Variants in SRPK2 observed in about 807,000 individuals in gnomAD.
SRPK2 encodes SRSF protein kinase 2, also known as SFRS protein kinase 2.
In SRPK2, 21 loss-of-function variants were observed where a neutral mutation model predicts 90.8. The observed-to-expected ratio is 0.23, with a 90% CI of 0.16 to 0.33. The LOEUF (loss-of-function observed/expected upper bound fraction) is 0.33. Ranked by LOEUF, SRPK2 falls within the 10% of genes least tolerant of loss-of-function variation. The pLI, the probability that SRPK2 is intolerant of heterozygous loss-of-function variation, is 1.00. For missense variants in SRPK2, 620 were observed against 869.0 expected, an observed-to-expected ratio of 0.71 and a Z score of 3.60; for synonymous variants, 288 against 311.1, an observed-to-expected ratio of 0.93 and a Z score of 0.78.
intron 15 of SRPK2, among the ~76,000 whole-genome samples, chr7:105,118,240 T>A (rs1379461391): frequency 6.6e-6 from 1 of 152,202 alleles, no homozygotes; most frequent in Non-Finnish European, 1.5e-5. Context: ...TAAATAGAGG[T>A]TAATTAATAG....
intron 2 of SRPK2, among the ~76,000 whole-genome samples, chr7:105,216,655 CAAA>C (rs11337476): frequency 4.1e-4 from 53 of 130,660 alleles, no homozygotes; most frequent in Non-Finnish European, 4.1e-4. Flanking sequence ...ACCCTGTCTC[CAAA>C]AAAAAAAAAA....
chr7:105,375,033 A>G (rs1047444384), intron 2 of SRPK2, among the ~76,000 whole-genome samples: 1 of 152,184 alleles, frequency 6.6e-6, no homozygotes, highest in African/African-American at 2.4e-5. Context: ...AAATATAACA[A>G]AATATTAGCA....
intron 15 of SRPK2, among the ~76,000 whole-genome samples, chr7:105,118,678 G>GA (rs1215632902): frequency 6.6e-6 from 1 of 152,196 alleles, no homozygotes; most frequent in Non-Finnish European, 1.5e-5. Flanking sequence ...AGCCGTTTGG[G>GA]AGGCTGAGGC....
intron 2 of SRPK2, chr7:105,244,614 C>A: frequency 1.5e-6 from 1 of 670,194 alleles, no homozygotes. Context: ...GCGGCGCCAG[C>A]CCCAGCGCGC....
chr7:105,340,998 C>T (rs879833236), intron 2 of SRPK2, among the ~76,000 whole-genome samples: 4 of 152,018 alleles, frequency 2.6e-5, no homozygotes, highest in Non-Finnish European at 4.4e-5. Context: ...AAGTGATTAA[C>T]GGATGATGTC....
At chr7:105,264,823 C>T (rs943182230) in intron 2 of SRPK2, among the ~76,000 whole-genome samples, 11 of 152,130 alleles carry the variant, frequency 7.2e-5, no homozygotes, top group Non-Finnish European at 1.3e-4. Flanking sequence ...GTGGGCAATG[C>T]TATGTGTGAA....
At chr7:105,241,629 A>T (rs949434298) in intron 2 of SRPK2, among the ~76,000 whole-genome samples, 1 of 152,202 alleles carries the variant, frequency 6.6e-6, no homozygotes, top group African/African-American at 2.4e-5. Flanking sequence ...CAAAGCCCAT[A>T]TATTCTATCC....
intron 2 of SRPK2, among the ~76,000 whole-genome samples, chr7:105,257,059 C>T (rs1001566613): frequency 2.0e-5 from 3 of 152,168 alleles, no homozygotes; most frequent in Non-Finnish European, 2.9e-5. Context: ...GGCCAGCCAC[C>T]CACGAATGTG....
rs563015549 is a variant in SRPK2, at chr7:105,348,174, C to T, written c.71+40474G>A. 5.7e-5 allele frequency among the ~76,000 whole-genome samples: 8 copies of T among 140,868 alleles called. No individual in the cohort carries two copies. The South Asian group carries it at 1.2e-3, about 21-fold the overall frequency. The allele number at this position is 140,868 out of a possible 152,430, so 92.4% of individuals were successfully genotyped here. A position where few individuals can be genotyped will look rare whatever the true frequency, so the allele number is the denominator to read the frequency against. ...GCAACCTCCGCCTCCCGGGTTCAAG[C>T]GATTCTCATGCCTCAGCCTCCTCAG... is the stretch of plus-strand genomic sequence containing the variant. On this transcript the variant is annotated intron_variant, in intron 2 of 15. Transcript: ENST00000393651.
intron 2 of SRPK2, 37 bp from the exon 3 acceptor site, chr7:105,203,822 A>G (rs1234066245): frequency 1.3e-6 from 2 of 1,551,394 alleles, no homozygotes; most frequent in Admixed American, 2.0e-5. Flanking sequence ...TTTACTTAGA[A>G]GTACATCTTG....
At chr7:105,301,758 A>G (rs1448835361) in intron 2 of SRPK2, 159 of 1,597,688 alleles carry the variant, frequency 1.0e-4, no homozygotes, top group Non-Finnish European at 1.3e-4. Flanking sequence ...AAAGCAGAGT[A>G]TATTAGCCAA....
At chr7:105,314,316 A>G (rs1812068424) in intron 2 of SRPK2, among the ~76,000 whole-genome samples, 2 of 152,100 alleles carry the variant, frequency 1.3e-5, no homozygotes, top group South Asian at 4.1e-4. Flanking sequence ...TGGACGACAG[A>G]GTAAGACCCT....
chr7:105,390,725 T>G (rs1386269228), upstream of SRPK2, among the ~76,000 whole-genome samples: 1 of 150,972 alleles, frequency 6.6e-6, no homozygotes, highest in Admixed American at 6.6e-5. Context: ...AGTGCTAGGA[T>G]TACAGGCCTG....
chr7:105,290,184 GAC>G (rs1462014209), intron 2 of SRPK2, among the ~76,000 whole-genome samples: 7 of 122,228 alleles, frequency 5.7e-5, no homozygotes, highest in Admixed American at 1.9e-4. Flanking sequence ...CTAACACAGA[GAC>G]ACAGGCTCTT....
intron 2 of SRPK2, among the ~76,000 whole-genome samples, chr7:105,239,100 A>G (rs1162781267): frequency 6.6e-6 from 1 of 152,374 alleles, no homozygotes; most frequent in Non-Finnish European, 1.5e-5. Context: ...AGAGTGTACA[A>G]TTGCACTACA....
At chr7:105,234,123 C>T (rs1563121700) in intron 2 of SRPK2, among the ~76,000 whole-genome samples, 1 of 151,912 alleles carries the variant, frequency 6.6e-6, no homozygotes, top group African/African-American at 2.4e-5. Context: ...ATTAAGAACA[C>T]CTTTGCTGCA....
At chr7:105,361,302 C>T (rs540821620) in intron 2 of SRPK2, among the ~76,000 whole-genome samples, 1 of 152,134 alleles carries the variant, frequency 6.6e-6, no homozygotes, top group Non-Finnish European at 1.5e-5. Context: ...GAACTACAAA[C>T]CACTGCTCAA....
intron 2 of SRPK2, among the ~76,000 whole-genome samples, chr7:105,337,532 C>A (rs1815250011): frequency 6.6e-6 from 1 of 152,006 alleles, no homozygotes; most frequent in African/African-American, 2.4e-5. Context: ...CCAGGCTGGT[C>A]TCAAACTCCT....
At chr7:105,295,369 T>TTA (rs1809668070) in intron 2 of SRPK2, among the ~76,000 whole-genome samples, 1 of 152,058 alleles carries the variant, frequency 6.6e-6, no homozygotes, top group Non-Finnish European at 1.5e-5. Context: ...TAAATTAATA[T>TTA]TTCATACTAA....
Sources: allele counts gnomAD v4.1 joint callset (sites outside exome capture counted in the v4.1 genomes callset), GRCh38; gene constraint gnomAD v4.1.1; transcripts MANE v1.5; gene names NCBI Gene and HGNC (gene_info 2026-07-23, HGNC 2026-07-21).